ARSL: variants seen among roughly 807,000 people sequenced by gnomAD.
ARSL encodes arylsulfatase E (chondrodysplasia punctata 1).
A neutral mutation model predicts 31.1 loss-of-function variants in ARSL; 4 were observed. The observed-to-expected ratio is 0.13, with a 90% confidence interval of 0.06 to 0.29. The LOEUF (loss-of-function observed/expected upper bound fraction) is 0.29. Ranked by LOEUF, ARSL falls within the 10% of genes least tolerant of loss-of-function variation. The pLI, the probability that ARSL is intolerant of heterozygous loss-of-function variation, is 1.00. For missense variants in ARSL, 312 were observed against 497.8 expected (o/e 0.63, Z 3.55); for synonymous variants, 198 against 209.9 (o/e 0.94, Z 0.49).
chrX:2,956,634 G>T (rs914336198), intron 3 of ARSL, among the ~76,000 whole-genome samples: 2 of 109,560 alleles, frequency 1.8e-5, no homozygotes, highest in Non-Finnish European at 3.8e-5. Context: ...GCTAATTTTT[G>T]TATTTTTAGT....
chrX:2,944,447 C>T (rs769688557), intron 7 of ARSL, among the ~76,000 whole-genome samples: 164 of 87,951 alleles, frequency 1.9e-3, no homozygotes, highest in African/African-American at 6.5e-3. Context: ...GAGTGAGACT[C>T]GGTCTCAAAA....
intron 8 of ARSL, 32 bp downstream of exon 8, chrX:2,943,033 A>G (rs769645115): frequency 9.1e-6 from 11 of 1,208,866 alleles, no homozygotes; most frequent in Non-Finnish European, 1.2e-5. Flanking sequence ...ATAAACTTGC[A>G]AGATGAAGAT....
At chrX:2,959,667 A>G in intron 2 of ARSL, 1 of 1,153,495 alleles carries the variant, frequency 8.7e-7, no homozygotes, top group Non-Finnish European at 1.1e-6. Context: ...AAATCAAGGG[A>G]GCCTGGAGCA....
intron 4 of ARSL, 69 bp downstream of exon 4, chrX:2,955,347 A>T: frequency 8.5e-7 from 1 of 1,182,973 alleles, no homozygotes; most frequent in East Asian, 3.0e-5. Flanking sequence ...AAAAACCAAA[A>T]TGTAAGAACT....
Position 2,944,194 on chromosome X carries a change from C to G in ARSL, c.992-995G>C, listed in dbSNP as rs3753141. On this transcript the variant is annotated intron_variant, in intron 7 of 10. Coordinates refer to ENST00000381134, the MANE Select transcript of ARSL (RefSeq NM_000047.3). ...CTGTCGGCCAGGCGCAGTGGCTCAT[C>G]CCTGTAATCCCAGCACTTTGGGAGG... Among the ~76,000 whole-genome samples, 655 of 108,402 alleles carry G rather than the reference C, an allele frequency of 6.0e-3. 9 individuals carry two copies. Among genetic ancestry groups the G allele is most frequent in the Admixed American group, 0.029 (290 of 10,050 alleles). The allele number at this position is 108,402 out of a possible 115,157, so 94.1% of individuals were successfully genotyped here.
chrX:2,952,364 G>T (rs1000206108), intron 5 of ARSL, among the ~76,000 whole-genome samples: 1 of 110,417 alleles, frequency 9.1e-6, no homozygotes, highest in Non-Finnish European at 1.9e-5. Flanking sequence ...ACAGGGTTTC[G>T]CCATGCTGCC....
intron 7 of ARSL, among the ~76,000 whole-genome samples, chrX:2,945,515 A>C (rs2089365930): frequency 9.0e-6 from 1 of 111,697 alleles, no homozygotes; most frequent in Non-Finnish European, 1.9e-5. Flanking sequence ...AGACGTGGAA[A>C]TCTCTGAGGT....
chrX:2,965,628 C>T (rs369700125), upstream of ARSL, among the ~76,000 whole-genome samples: 9 of 111,004 alleles, frequency 8.1e-5, no homozygotes, highest in East Asian at 1.1e-3. Flanking sequence ...GGGCTGGGCA[C>T]GGTGGCTCAC....
rs746787848 is a variant in ARSL, at chrX:2,938,272, A to C, written c.1127-15T>G. ...GCCCTTCCCACCTGGGTTTGAACAG[A>C]AACAAAAGAAAGTGGTTAAAAACCA... is the stretch of plus-strand genomic sequence containing the variant. On this transcript the variant is annotated splice_polypyrimidine_tract_variant and intron_variant, in intron 8 of 10. Transcript: ENST00000381134. The C allele has an allele frequency of 4.8e-5, 58 of 1,208,667 alleles. No homozygotes were observed. Among genetic ancestry groups the C allele is most frequent in the Non-Finnish European group, 5.8e-5 (52 of 894,450 alleles).
chrX:2,942,140 C>A (rs903707335), intron 8 of ARSL, among the ~76,000 whole-genome samples: 2 of 111,650 alleles, frequency 1.8e-5, no homozygotes, highest in African/African-American at 6.5e-5. Context: ...ACAAGATAAC[C>A]AAGGAATTCT....
chrX:2,948,779 C>G (rs2089419393), intron 6 of ARSL, among the ~76,000 whole-genome samples: 1 of 110,270 alleles, frequency 9.1e-6, no homozygotes, highest in African/African-American at 3.3e-5. Flanking sequence ...GTGTGTACCA[C>G]TATGCCCAGC....
chrX:2,949,613 G>T lies in ARSL; in HGVS notation c.545C>A (p.Ala182Asp). ...GMPFSLMGDCARWELSEKRVN... is the reference protein window; with the variant it reads ...GMPFSLMGDCDRWELSEKRVN... ...ACGCTTCTCTGAGAGTTCCCAGCGG[G>T]CGCAATCACCCATCAAGGAGAAAGG... Residue 182 changes from alanine (A) to aspartate (D), a missense_variant, in exon 6 of 11, where the codon GCC becomes GAC. By Grantham distance (126) the Ala-to-Asp change is moderately radical (BLOSUM62 -2). Transcript: ENST00000381134. The T allele has an allele frequency of 8.3e-7, 1 of 1,211,397 alleles. No homozygotes were observed. The highest frequency in any genetic ancestry group is 1.1e-6 in the Non-Finnish European group (1 of 895,478).
intron 5 of ARSL, 33 bp from the exon 6 acceptor site, chrX:2,949,760 C>T (rs752156894): frequency 5.1e-6 from 6 of 1,182,973 alleles, no homozygotes; most frequent in Non-Finnish European, 6.9e-6. Context: ...ATGTGACAAG[C>T]ATCTGAGCAT....
intron 8 of ARSL, 38 bp from the exon 9 acceptor site, chrX:2,938,295 C>T (rs1460923922): frequency 1.7e-6 from 2 of 1,199,944 alleles, no homozygotes; most frequent in Non-Finnish European, 2.2e-6. Context: ...TGGTTAAAAA[C>T]CAGAAATAGA....
rs186732389 is a variant in ARSL at position 2,957,480 on chromosome X, G to A, written c.185+794C>T. Among the ~76,000 whole-genome samples, 90 of 109,981 alleles carry A rather than the reference G, an allele frequency of 8.2e-4. 1 individual carries two copies. The highest frequency in any genetic ancestry group is 2.3e-3 in the African/African-American group (71 of 30,295). ...TCCCAGCACTTTGGGAGGCTGAAGC[G>A]GGTGAATCACTTGAGGCCAGGAGTT... On this transcript the variant is annotated intron_variant, in intron 3 of 10. Transcript: ENST00000381134.
chrX:2,966,556 G>C, upstream of ARSL, among the ~76,000 whole-genome samples: 1 of 106,107 alleles, frequency 9.4e-6, no homozygotes, highest in East Asian at 2.9e-4. Context: ...TGGGAGGATT[G>C]CTTGAGCCCA....
At chrX:2,957,653 G>A (rs2089544552) in intron 3 of ARSL, among the ~76,000 whole-genome samples, 1 of 104,954 alleles carries the variant, frequency 9.5e-6, no homozygotes, top group African/African-American at 3.5e-5. Context: ...AGGTTGCAGT[G>A]AGCCGAGATC....
chrX:2,959,692 G>A (rs2089577040), intron 2 of ARSL: 8 of 1,150,205 alleles, frequency 7.0e-6, no homozygotes, highest in Non-Finnish European at 9.2e-6. Context: ...TATTAATCAC[G>A]GGTCTCATGC....
intron 8 of ARSL, among the ~76,000 whole-genome samples, chrX:2,942,066 G>T (rs73437561): frequency 1.2e-3 from 136 of 111,903 alleles, no homozygotes; most frequent in Middle Eastern, 4.6e-3. Context: ...TGTATACAAA[G>T]GCCGGGATGT....
Sources: allele counts gnomAD v4.1 joint callset (sites outside exome capture counted in the v4.1 genomes callset), GRCh38; gene constraint gnomAD v4.1.1; transcripts MANE v1.5; gene names NCBI Gene and HGNC (gene_info 2026-07-23, HGNC 2026-07-21).